The following FSD1L variants were observed in gnomAD, a reference collection of about 807,000 sequenced individuals.
The protein encoded by FSD1L is FSD1-like protein.
In FSD1L, 45 loss-of-function variants were observed where a neutral mutation model predicts 71.6. The ratio of observed to expected loss-of-function variants is 0.63; its 90% confidence interval spans 0.49 to 0.81. The LOEUF (loss-of-function observed/expected upper bound fraction) is 0.81, where lower values mean the gene tolerates loss of function less well. Among genes scored for constraint, FSD1L ranks in the 30% least tolerant of loss-of-function variants. The probability of loss-of-function intolerance (pLI) is 0.00; values close to 1 mark genes in which losing one functional copy is unlikely to be tolerated. For synonymous variants in FSD1L, 197 were observed against 207.2 expected (o/e 0.95, Z 0.42); for missense variants, 561 against 618.1 (o/e 0.91, Z 0.98).
At chr9:105,493,523 G>T (rs1317945416) in intron 7 of FSD1L, among the ~76,000 whole-genome samples, 4 of 152,142 alleles carry the variant, frequency 2.6e-5, no homozygotes, top group Non-Finnish European at 4.4e-5. Flanking sequence ...ATTGTTATGT[G>T]TGAATTTGAT....
intron 7 of FSD1L, among the ~76,000 whole-genome samples, chr9:105,496,258 C>T (rs1443560038): frequency 2.9e-5 from 4 of 137,590 alleles, no homozygotes; most frequent in Admixed American, 8.3e-5. Flanking sequence ...GGCTGGAGTG[C>T]AGTGGCACAA....
At position 105,525,236 on chromosome 9, in the gene FSD1L, G is replaced by A. The variant is rs2131439791; in HGVS notation, c.1026-9257G>A. The A allele has an allele frequency of 3.1e-6, 5 of 1,603,772 alleles. No individual in the cohort carries two copies. The South Asian group carries it at 3.4e-5, about 11-fold the overall frequency. ...AAAAGATGGACTTTCCAGTTTAAAA[G>A]ATTTAGAGAAACTGTACCAACTTGG... On this transcript the variant is annotated intron_variant, in intron 10 of 13. Transcript: ENST00000481272.
intron 7 of FSD1L, among the ~76,000 whole-genome samples, chr9:105,505,286 A>C (rs1833986815): frequency 6.6e-6 from 1 of 152,128 alleles, no homozygotes; most frequent in Non-Finnish European, 1.5e-5. Context: ...TTTGAGACGG[A>C]GTCTCGCTCT....
At chr9:105,520,686 A>G in intron 10 of FSD1L, 1 of 1,613,556 alleles carries the variant, frequency 6.2e-7, no homozygotes, top group South Asian at 1.1e-5. Context: ...TAACTGTAGC[A>G]AAGAACAGCT....
At chr9:105,520,424 T>C (rs1047950375) in intron 10 of FSD1L, 1 of 1,080,836 alleles carries the variant, frequency 9.3e-7, no homozygotes. Context: ...ATATACTATG[T>C]GTTCTTTGAA....
chr9:105,513,402 A>C (rs1297449626), intron 10 of FSD1L, among the ~76,000 whole-genome samples: 1 of 152,062 alleles, frequency 6.6e-6, no homozygotes, highest in Admixed American at 6.5e-5. Context: ...AACTTATTTA[A>C]ATAAAGTCAA....
chr9:105,466,915 A>G (rs1319786076), intron 3 of FSD1L, among the ~76,000 whole-genome samples: 2 of 151,638 alleles, frequency 1.3e-5, no homozygotes, highest in East Asian at 1.9e-4. Context: ...TTAACGTTAG[A>G]AAAAAAAAGT....
intron 10 of FSD1L, chr9:105,521,004 TA>T: frequency 6.2e-7 from 1 of 1,612,000 alleles, no homozygotes; most frequent in East Asian, 2.2e-5. Context: ...TTACTTGCCT[TA>T]TATTTTTCCA....
At chr9:105,524,080 C>T in intron 10 of FSD1L, 2 of 1,611,266 alleles carry the variant, frequency 1.2e-6, no homozygotes, top group Non-Finnish European at 1.7e-6. Flanking sequence ...ATAATCAAAA[C>T]TGTATTAAGC....
At position 105,492,109 on chromosome 9, in the gene FSD1L, C is replaced by T. The variant is rs1234124164; in HGVS notation, c.586+7607C>T. Among the ~76,000 whole-genome samples the T allele has an allele frequency of 4.6e-5, 7 of 152,208 alleles. 1 individual carries two copies. The highest frequency in any genetic ancestry group is 1.7e-4 in the African/African-American group (7 of 41,476). ...TCCTTGTACCTCTGGTAGAATTCGG[C>T]TGTGAATCCATCTGGTCCTGGACTC... On this transcript the variant is annotated intron_variant, in intron 7 of 13. Coordinates refer to ENST00000481272, the MANE Select transcript of FSD1L (RefSeq NM_001145313.3).
At chr9:105,447,837 C>T (rs1829710658), upstream of FSD1L, 5 of 333,310 alleles carry the variant, frequency 1.5e-5, no homozygotes, top group South Asian at 1.7e-4. Context: ...TGCTGGATGC[C>T]CAGTGGCCTA....
At chr9:105,524,115 C>A (rs1278816450) in intron 10 of FSD1L, 2 of 1,612,034 alleles carry the variant, frequency 1.2e-6, no homozygotes, top group Non-Finnish European at 1.7e-6. Context: ...GCCCTCTGGT[C>A]CTGCACGATG....
At chr9:105,523,684 G>A in intron 10 of FSD1L, 2 of 1,599,442 alleles carry the variant, frequency 1.3e-6, no homozygotes, top group Non-Finnish European at 1.7e-6. Context: ...TATAAACAAG[G>A]TAAATTACAT....
chr9:105,459,336 T>G (rs1044938237), intron 1 of FSD1L, among the ~76,000 whole-genome samples: 1 of 152,264 alleles, frequency 6.6e-6, no homozygotes, highest in African/African-American at 2.4e-5. Flanking sequence ...ACCAAGTTCC[T>G]TAGTGCTTTT....
rs1833150131 is a variant in FSD1L, at chr9:105,493,927, C to T, written c.586+9425C>T. Among the ~76,000 whole-genome samples, 4 of 152,162 alleles carry T rather than the reference C, an allele frequency of 2.6e-5. No homozygotes were observed. The South Asian group carries it at 8.3e-4, about 32-fold the overall frequency. Reference sequence around the variant, plus strand: ...AACCCGACCTTTCTCTCTGGCTGCCCTTAACATTTTTTCCTTCATTTCAAC... The same window carrying T: ...AACCCGACCTTTCTCTCTGGCTGCCTTTAACATTTTTTCCTTCATTTCAAC... On this transcript the variant is annotated intron_variant, in intron 7 of 13. Transcript: ENST00000481272.
chr9:105,481,181 TTC>T (rs1832167908), intron 6 of FSD1L, among the ~76,000 whole-genome samples: 1 of 56,216 alleles, frequency 1.8e-5, no homozygotes, highest in African/African-American at 8.1e-5. Flanking sequence ...GTGTGTGTGG[TTC>T]TTTTTTTTTT....
Position 105,534,494 on chromosome 9 carries a change from A to G in FSD1L, c.1027A>G (p.Ser343Gly), listed in dbSNP as rs1330546367. ...KIKGKENKGR[S>G]GTPSPKRTSV... The stretch of plus-strand genomic sequence containing the variant: ...TCTTTTTTCTTTTTGTTTATATAGA[A>G]GTGGTACACCATCCCCAAAACGAAC... Residue 343 changes from serine to glycine, a missense_variant and splice_region_variant, in exon 11 of 14, where the codon AGT (serine) becomes GGT (glycine). Physicochemically the swap from Ser to Gly is moderately conservative, Grantham distance 56 (BLOSUM62 0). Around this residue, in one of 3 missense-constraint regions of FSD1L, gnomAD observed 410 missense variants for 413.5 expected, o/e 0.99. Coordinates refer to ENST00000481272, the MANE Select transcript of FSD1L (RefSeq NM_001145313.3). The G allele has an allele frequency of 2.0e-6, 3 of 1,513,088 alleles. No homozygotes were observed. Among genetic ancestry groups the G allele is most frequent in the Non-Finnish European group, 2.7e-6 (3 of 1,114,114 alleles). The allele number at this position is 1,513,088 out of a possible 1,614,324, so 93.7% of individuals were successfully genotyped here. A position where few individuals can be genotyped will look rare whatever the true frequency, so the allele number is the denominator to read the frequency against.
At chr9:105,538,585 G>A (rs570607786) in intron 12 of FSD1L, among the ~76,000 whole-genome samples, 18 of 152,272 alleles carry the variant, frequency 1.2e-4, no homozygotes, top group African/African-American at 3.6e-4. Flanking sequence ...AGGTCAGACA[G>A]ACAGTTTTTT....
At chr9:105,494,513 T>G (rs933407762) in intron 7 of FSD1L, among the ~76,000 whole-genome samples, 6 of 152,216 alleles carry the variant, frequency 3.9e-5, no homozygotes, top group Non-Finnish European at 7.3e-5. Context: ...TCAAAGTCAT[T>G]CTCCATTCAG....
Sources: gnomAD v4.1 joint callset for allele counts (sites outside exome capture counted in the v4.1 genomes callset) on GRCh38, gnomAD v4.1.1 for gene constraint, gnomAD v4.1.1 regional missense constraint, MANE v1.5 for transcripts, NCBI Gene and HGNC (gene_info 2026-07-23, HGNC 2026-07-21) for gene names.